ZNF512: variants seen among roughly 807,000 people sequenced by gnomAD.
The protein encoded by ZNF512 is zinc finger protein 512.
A neutral mutation model predicts 77.5 loss-of-function variants in ZNF512; 25 were observed. The ratio of observed to expected loss-of-function variants is 0.32; its 90% CI spans 0.23 to 0.45. ZNF512 has a LOEUF of 0.45. ZNF512 is among the 20% of genes least tolerant of loss of function. The pLI is 1.00. For synonymous variants in ZNF512, 246 were observed against 239.9 expected (o/e 1.03, Z -0.24); for missense variants, 483 against 692.6 (o/e 0.70, Z 3.40).
intron 10 of ZNF512, among the ~76,000 whole-genome samples, chr2:27,611,970 A>G (rs1375263106): frequency 6.6e-6 from 1 of 151,962 alleles, no homozygotes; most frequent in Non-Finnish European, 1.5e-5. Flanking sequence ...ACAGGCATGA[A>G]CCACCGTGCG....
chr2:27,612,498 T>C (rs1400033414), intron 10 of ZNF512, among the ~76,000 whole-genome samples: 2 of 152,268 alleles, frequency 1.3e-5, no homozygotes, highest in Middle Eastern at 3.4e-3. Flanking sequence ...TACACATCCA[T>C]ATTTATTTTA....
rs758662994 is a variant in ZNF512 at position 27,607,849 on chromosome 2, CCTT to C, written c.945_947del (p.Phe316del). 5.6e-6 allele frequency: 9 copies of C among 1,613,932 alleles called. No homozygotes were observed. Among genetic ancestry groups the C allele is most frequent in the African/African-American group, 4.0e-5 (3 of 74,912 alleles). Reference sequence around the variant, plus strand: ...TGCTGTGTCTCATTCTTGCAGATATCCTTCTTTCCAGAGTCAGGACAGCCAGAG... The same window carrying C: ...TGCTGTGTCTCATTCTTGCAGATATCCTTTCCAGAGTCAGGACAGCCAGAG... On this transcript the variant is annotated inframe_deletion, in exon 10 of 14. Coordinates refer to ENST00000355467, the MANE Select transcript of ZNF512 (RefSeq NM_032434.4).
intron 4 of ZNF512, 131 bp from the exon 5 acceptor site, chr2:27,599,839 C>G: frequency 8.2e-7 from 1 of 1,213,538 alleles, no homozygotes; most frequent in Non-Finnish European, 1.2e-6. Context: ...TATACCCTTT[C>G]ATTCTGTCCT....
chr2:27,605,514 T>G (rs1672311469), intron 9 of ZNF512, among the ~76,000 whole-genome samples: 1 of 151,082 alleles, frequency 6.6e-6, no homozygotes, highest in Non-Finnish European at 1.5e-5. Context: ...CTTGCTCTTT[T>G]GCCCAGGCTG....
Position 27,598,243 on chromosome 2 carries a change from C to T in ZNF512, c.266C>T (p.Ser89Phe), listed in dbSNP as rs140091852. ...AGAAGAATCAAGCCAGCTGCTACTT[C>T]TCATGTCGAAGGTATCAATATCAGT... ...KMRRIKPAAT[S>F]HVEGSGGVSA... The change falls in exon 3 of 14, where the codon TCT (serine) becomes TTT (phenylalanine). Residue 89 changes from serine to phenylalanine, a missense_variant. Ser to Phe is a radical substitution (Grantham distance 155). This residue lies in a region of ZNF512 where 159 missense variants were observed against 167.5 expected (regional missense o/e 0.95). Transcript: ENST00000355467. The T allele has an allele frequency of 6.2e-7, 1 of 1,612,490 alleles. No individual in the cohort carries two copies. The highest frequency in any genetic ancestry group is 1.3e-5 in the African/African-American group (1 of 75,034).
Position 27,592,846 on chromosome 2 carries a change from CA to C in ZNF512, c.90-5220del, listed in dbSNP as rs1671656388. Among the ~76,000 whole-genome samples, 6 of 151,412 alleles carry C rather than the reference CA, an allele frequency of 4.0e-5. No individual in the cohort carries two copies. In the South Asian group the frequency reaches 1.3e-3, roughly 32 times the overall value. On this transcript the variant is annotated intron_variant, in intron 2 of 13. Transcript: ENST00000355467. ...GATTATAGGCATGTGCCACCATGCC[CA>C]GCTAATTTTGTATTTTTAGTAGTGA...
intron 2 of ZNF512, among the ~76,000 whole-genome samples, chr2:27,593,391 C>CAAAAA (rs572251742): frequency 1.3e-5 from 1 of 76,744 alleles, no homozygotes; most frequent in East Asian, 4.7e-4. Context: ...GACCTTGTCT[C>CAAAAA]AAAAAAAAAA....
At chr2:27,604,252 G>T (rs918466445) in intron 9 of ZNF512, among the ~76,000 whole-genome samples, 3 of 152,110 alleles carry the variant, frequency 2.0e-5, no homozygotes, top group African/African-American at 7.2e-5. Flanking sequence ...TAAAACTAAA[G>T]GCATTCCCCC....
At chr2:27,583,808 A>G in intron 2 of ZNF512, 92 bp downstream of exon 2, 1 of 1,393,324 alleles carries the variant, frequency 7.2e-7, no homozygotes, top group African/African-American at 1.4e-5. Flanking sequence ...CTGTATCTGC[A>G]TTGTCCAGTA....
chr2:27,612,917 CTATT>C (rs1672727391), intron 10 of ZNF512, among the ~76,000 whole-genome samples: 2 of 151,966 alleles, frequency 1.3e-5, no homozygotes, highest in African/African-American at 4.8e-5. Flanking sequence ...TTTAATGTAA[CTATT>C]CATTTATTTT....
chr2:27,602,593 C>G (rs1672168547), intron 8 of ZNF512, 32 bp downstream of exon 8: 1 of 1,575,618 alleles, frequency 6.3e-7, no homozygotes, highest in African/African-American at 1.4e-5. Flanking sequence ...TTCCTTCTGC[C>G]TGAATTCTCA....
At position 27,602,527 on chromosome 2, in the gene ZNF512, T is replaced by A; in HGVS notation, c.734T>A (p.Leu245Gln). ...PSERERLRTV[L>Q]KRLGKLRCMR... ...GAGAGGGAAAGGCTCCGAACAGTTC[T>A]AAAGAGACTGGGAAAGCTCAGGTGC... The change falls in exon 8 of 14, where the codon CTA (leucine) becomes CAA (glutamine). Residue 245 changes from leucine to glutamine, a missense_variant. Leu to Gln is a moderately radical substitution (Grantham distance 113, BLOSUM62 -2). Coordinates refer to ENST00000355467, the MANE Select transcript of ZNF512 (RefSeq NM_032434.4). 2 of 1,614,016 alleles carry A rather than the reference T, an allele frequency of 1.2e-6. No individual in the cohort carries two copies. The highest frequency in any genetic ancestry group is 1.7e-6 in the Non-Finnish European group (2 of 1,179,954).
At chr2:27,587,186 C>T (rs1051938709) in intron 2 of ZNF512, among the ~76,000 whole-genome samples, 3 of 151,750 alleles carry the variant, frequency 2.0e-5, no homozygotes, top group African/African-American at 4.8e-5. Flanking sequence ...GCATTCCTAC[C>T]AGCAATGTAT....
At chr2:27,602,968 G>T (rs762973865) in intron 8 of ZNF512, among the ~76,000 whole-genome samples, 172 bp from the exon 9 acceptor site, 1 of 152,190 alleles carries the variant, frequency 6.6e-6, no homozygotes, top group Non-Finnish European at 1.5e-5. Flanking sequence ...ATCAGAGTAA[G>T]ATGGCCAGAG....
Position 27,621,741 on chromosome 2 carries a change from C to T in ZNF512, c.*280C>T, listed in dbSNP as rs971739641. 1.1e-5 allele frequency: 3 copies of T among 276,338 alleles called. No homozygotes were observed. The highest frequency in any genetic ancestry group is 4.3e-5 in the African/African-American group (2 of 46,048). The allele number at this position is 276,338 out of a possible 1,614,324, so 17.1% of individuals were successfully genotyped here. A position where few individuals can be genotyped will look rare whatever the true frequency, so the allele number is the denominator to read the frequency against. On this transcript the variant is annotated 3_prime_UTR_variant, in exon 14 of 14. Coordinates refer to ENST00000355467, the MANE Select transcript of ZNF512 (RefSeq NM_032434.4). ...AGGCCAACTATAGGCTCCTCTTGCC[C>T]TGTACAAAACTAAGAAACCTCTTTG... is the stretch of plus-strand genomic sequence containing the variant.
chr2:27,603,076 T>C, intron 8 of ZNF512, 64 bp from the exon 9 acceptor site: 4 of 1,581,640 alleles, frequency 2.5e-6, no homozygotes, highest in Non-Finnish European at 3.4e-6. Flanking sequence ...TATGGCTGTT[T>C]AGAAATTTAG....
intron 1 of ZNF512, chr2:27,583,354 A>T: frequency 7.7e-7 from 1 of 1,298,920 alleles, no homozygotes; most frequent in Non-Finnish European, 1.0e-6. Context: ...CCACATTACC[A>T]TTAGTTTCTA....
intron 1 of ZNF512, 160 bp downstream of exon 1, chr2:27,583,302 G>T: frequency 7.7e-7 from 1 of 1,302,892 alleles, no homozygotes; most frequent in Middle Eastern, 1.9e-4. Context: ...CTTTACCCAC[G>T]TTCTGCTGCC....
chr2:27,616,340 A>G lies in ZNF512; in HGVS notation c.1296+16A>G. On this transcript the variant is annotated intron_variant, in intron 12 of 13. Coordinates refer to ENST00000355467, the MANE Select transcript of ZNF512 (RefSeq NM_032434.4). Reference sequence around the variant, plus strand: ...TTGTACATTGGTTTGTAACTTTTTAAACTTACTATCTTAACATGTCCTCTA... The same window carrying G: ...TTGTACATTGGTTTGTAACTTTTTAGACTTACTATCTTAACATGTCCTCTA... The G allele has an allele frequency of 6.2e-7, 1 of 1,603,380 alleles. No individual in the cohort carries two copies. The highest frequency in any genetic ancestry group is 8.5e-7 in the Non-Finnish European group (1 of 1,170,240).
Sources: allele counts gnomAD v4.1 joint callset (sites outside exome capture counted in the v4.1 genomes callset), GRCh38; gene constraint gnomAD v4.1.1; regional missense constraint gnomAD v4.1.1; transcripts MANE v1.5; gene names NCBI Gene and HGNC (gene_info 2026-07-23, HGNC 2026-07-21).